Variants in SPTBN1 observed in about 807,000 individuals in gnomAD.
SPTBN1 encodes the protein spectrin beta, non-erythrocytic 1.
SPTBN1 carries 32 observed loss-of-function variants against 266.4 expected under a neutral mutation model. The observed-to-expected ratio is 0.12, with a 90% CI of 0.09 to 0.16. SPTBN1 has a LOEUF of 0.16. Among genes scored for constraint, SPTBN1 ranks in the 10% least tolerant of loss-of-function variants. The pLI is 1.00. For synonymous variants in SPTBN1, 1,336 were observed against 1,162.2 expected (o/e 1.15, Z -3.04); for missense variants, 2,296 against 3,067.1 (o/e 0.75, Z 5.94).
At chr2:54,491,600 T>A (rs895162028) in intron 1 of SPTBN1, among the ~76,000 whole-genome samples, 4 of 152,112 alleles carry the variant, frequency 2.6e-5, no homozygotes, top group Non-Finnish European at 4.4e-5. Context: ...CTAATTTCTC[T>A]CTCTTTTTTT....
At chr2:54,457,746 T>C (rs900012360) in intron 1 of SPTBN1, among the ~76,000 whole-genome samples, 1 of 152,262 alleles carries the variant, frequency 6.6e-6, no homozygotes, top group South Asian at 2.1e-4. Context: ...CTGGAGCTGC[T>C]GCTACCTTGT....
At chr2:54,496,472 G>GT (rs1415706192) in intron 1 of SPTBN1, among the ~76,000 whole-genome samples, 1 of 146,964 alleles carries the variant, frequency 6.8e-6, no homozygotes, top group Admixed American at 6.8e-5. Context: ...ATGAATAACA[G>GT]TAACAGCTAA....
At chr2:54,460,063 AGTGAG>A (rs1311688440) in intron 1 of SPTBN1, among the ~76,000 whole-genome samples, 2 of 152,210 alleles carry the variant, frequency 1.3e-5, no homozygotes, top group Non-Finnish European at 2.9e-5. Context: ...TTGCTATCAT[AGTGAG>A]GTTCACGGAC....
chr2:54,576,638 T>C (rs1442941366), intron 2 of SPTBN1, among the ~76,000 whole-genome samples: 2 of 152,166 alleles, frequency 1.3e-5, no homozygotes, highest in African/African-American at 4.8e-5. Context: ...ATAAGTGCCG[T>C]GGAAGAAGGC....
Position 54,480,902 on chromosome 2 carries a change from G to A in SPTBN1, c.-48+24384G>A, listed in dbSNP as rs186631280. 5.7e-3 allele frequency among the ~76,000 whole-genome samples: 871 copies of A among 152,204 alleles called. 3 individuals are homozygous for A. Among genetic ancestry groups the A allele is most frequent in the Middle Eastern group, 0.014 (4 of 294 alleles). On this transcript the variant is annotated intron_variant, in intron 1 of 35. Coordinates refer to ENST00000356805, the MANE Select transcript of SPTBN1 (RefSeq NM_003128.3). ...GCCCTGGCCAGCTCTAGGAGTTCTC[G>A]GTTTTATAATTGAATTACTTTAGTA... is the stretch of plus-strand genomic sequence containing the variant.
chr2:54,570,954 G>A (rs2104520247), intron 2 of SPTBN1, among the ~76,000 whole-genome samples: 1 of 152,246 alleles, frequency 6.6e-6, no homozygotes, highest in Admixed American at 6.5e-5. Flanking sequence ...TGTGTTTCTT[G>A]TGCTTGAAAA....
intron 18 of SPTBN1, among the ~76,000 whole-genome samples, chr2:54,638,326 A>G (rs1385511840): frequency 6.6e-6 from 1 of 152,252 alleles, no homozygotes; most frequent in East Asian, 1.9e-4. Context: ...TTTCAATGAT[A>G]TGGAAGGAAA....
At chr2:54,655,779 C>T (rs547581552) in intron 28 of SPTBN1, 135 bp from the exon 29 acceptor site, 5 of 615,970 alleles carry the variant, frequency 8.1e-6, no homozygotes, top group South Asian at 7.6e-5. Flanking sequence ...CTCAGACAGA[C>T]TGAGCAGTCC....
chr2:54,613,166 G>A (rs994586787), intron 4 of SPTBN1, among the ~76,000 whole-genome samples: 7 of 152,120 alleles, frequency 4.6e-5, no homozygotes, highest in East Asian at 1.9e-4. Context: ...GTACTCATGC[G>A]TTCCAATTAA....
At chr2:54,544,769 A>AT (rs1477031305) in intron 2 of SPTBN1, among the ~76,000 whole-genome samples, 1 of 152,232 alleles carries the variant, frequency 6.6e-6, no homozygotes, top group East Asian at 1.9e-4. Flanking sequence ...GTAAACTTTT[A>AT]TTTTTTTATT....
chr2:54,502,864 T>C (rs1312813606), intron 1 of SPTBN1, among the ~76,000 whole-genome samples: 1 of 152,174 alleles, frequency 6.6e-6, no homozygotes, highest in Non-Finnish European at 1.5e-5. Context: ...CCAGTGTTTG[T>C]TGGCTTTGCC....
chr2:54,491,081 C>G (rs1416691696), intron 1 of SPTBN1, among the ~76,000 whole-genome samples: 3 of 152,134 alleles, frequency 2.0e-5, no homozygotes, highest in Non-Finnish European at 4.4e-5. Flanking sequence ...GGGCAAAATT[C>G]AGAGCAGGGA....
intron 2 of SPTBN1, among the ~76,000 whole-genome samples, chr2:54,595,646 C>G (rs72920525): frequency 6.6e-6 from 1 of 152,220 alleles, no homozygotes; most frequent in Non-Finnish European, 1.5e-5. Flanking sequence ...GCCATTTCTG[C>G]TGCCTTCGAG....
intron 1 of SPTBN1, among the ~76,000 whole-genome samples, chr2:54,516,536 A>G (rs904727181): frequency 3.3e-5 from 5 of 152,184 alleles, no homozygotes; most frequent in Non-Finnish European, 7.4e-5. Flanking sequence ...TATTTTTGTT[A>G]ATTATGATTG....
chr2:54,517,708 C>T (rs1670191009), intron 1 of SPTBN1, among the ~76,000 whole-genome samples: 1 of 151,250 alleles, frequency 6.6e-6, no homozygotes, highest in Non-Finnish European at 1.5e-5. Context: ...TGTAGTAGCG[C>T]TATCTCAGCT....
chr2:54,568,550 C>T (rs185927347), intron 2 of SPTBN1, among the ~76,000 whole-genome samples: 3 of 152,140 alleles, frequency 2.0e-5, no homozygotes, highest in African/African-American at 4.8e-5. Context: ...TTTAGTATTG[C>T]TCTAGAAGAT....
intron 3 of SPTBN1, among the ~76,000 whole-genome samples, chr2:54,611,476 A>C (rs10193877): frequency 0.23 from 34,110 of 151,536 alleles, 4,082 homozygotes; most frequent in African/African-American, 0.31. Flanking sequence ...CTCTCTCTCT[A>C]TATATATATT....
At position 54,618,162 on chromosome 2, in the gene SPTBN1, C is replaced by T. The variant is rs879045000; in HGVS notation, c.732C>T (p.His244=). 1 of 1,614,156 alleles carries T rather than the reference C, an allele frequency of 6.2e-7. No individual in the cohort carries two copies. ...ATGCATTTAATCTGGCAGAACAGCACCTCGGCCTCACTAAACTGTTGGACC... is the reference window on the plus strand; with the variant it reads ...ATGCATTTAATCTGGCAGAACAGCATCTCGGCCTCACTAAACTGTTGGACC... ...LQNAFNLAEQ[H]LGLTKLLDPE... The change falls in exon 7 of 36, where the codon CAC becomes CAT. Residue 244 remains histidine (H), a synonymous_variant. Coordinates refer to ENST00000356805, the MANE Select transcript of SPTBN1 (RefSeq NM_003128.3).
chr2:54,598,442 C>A (rs1415497217), intron 2 of SPTBN1, among the ~76,000 whole-genome samples: 3 of 137,430 alleles, frequency 2.2e-5, no homozygotes, highest in South Asian at 2.4e-4. Context: ...GATGTCTTTG[C>A]ACTCTACCAT....
Sources: gnomAD v4.1 joint callset for allele counts (sites outside exome capture counted in the v4.1 genomes callset) on GRCh38, gnomAD v4.1.1 for gene constraint, MANE v1.5 for transcripts, NCBI Gene and HGNC (gene_info 2026-07-23, HGNC 2026-07-21) for gene names.